Variants in EARS2 observed in about 807,000 individuals in gnomAD.
EARS2 encodes the protein glutamyl-tRNA synthetase 2, mitochondrial, also known as nondiscriminating glutamyl-tRNA synthetase EARS2, mitochondrial.
EARS2 carries 50 observed loss-of-function variants against 54.1 expected under a neutral mutation model. The observed-to-expected ratio is 0.92, with a 90% CI of 0.74 to 1.17. EARS2 has a LOEUF of 1.17. EARS2 is among the 50% of genes most tolerant of loss of function. The probability of loss-of-function intolerance (pLI) is 0.00; values close to 1 mark genes in which losing one functional copy is unlikely to be tolerated. For missense variants in EARS2, 673 were observed against 675.0 expected (o/e 1.00, Z 0.03); for synonymous variants, 298 against 281.0 (o/e 1.06, Z -0.61).
intron 3 of EARS2, among the ~76,000 whole-genome samples, chr16:23,538,920 C>T (rs1354115817): frequency 6.6e-6 from 1 of 151,628 alleles, no homozygotes; most frequent in Non-Finnish European, 1.5e-5. Context: ...GTACCTACCA[C>T]CTAATGTAAA....
chr16:23,529,656 A>G (rs781514158), intron 6 of EARS2, 24 bp from the exon 7 acceptor site: 2 of 1,613,830 alleles, frequency 1.2e-6, no homozygotes, highest in Non-Finnish European at 1.7e-6. Flanking sequence ...CAGTCATTGA[A>G]TGCACTAGGG....
intron 4 of EARS2, among the ~76,000 whole-genome samples, chr16:23,533,318 T>C (rs1965357573): frequency 1.3e-5 from 2 of 151,940 alleles, no homozygotes; most frequent in Non-Finnish European, 2.9e-5. Flanking sequence ...TACATACATT[T>C]TTCTGTAGAC....
In EARS2 at chr16:23,553,610, G is replaced by A. The variant is rs368233231; in HGVS notation, c.140-1306C>T. Among the ~76,000 whole-genome samples, 10 of 151,896 alleles carry A rather than the reference G, an allele frequency of 6.6e-5. No individual in the cohort carries two copies. The East Asian group carries it at 9.7e-4, about 15-fold the overall frequency. ...TGTCTCTACAAAGAAAAAAAAAATC[G>A]GTGGGGCATGGTGGCTCACACCTTT... On this transcript the variant is annotated intron_variant, in intron 1 of 8. Coordinates refer to ENST00000449606, the MANE Select transcript of EARS2 (RefSeq NM_001083614.2).
At chr16:23,535,586 C>T in intron 3 of EARS2, 1 of 584,104 alleles carries the variant, frequency 1.7e-6, no homozygotes, top group Non-Finnish European at 3.0e-6. Flanking sequence ...TTCTTCCTTG[C>T]TAACAAGAAA....
At position 23,534,657 on chromosome 16, in the gene EARS2, A is replaced by G. The variant is rs75091684; in HGVS notation, c.958+231T>C. On this transcript the variant is annotated intron_variant, in intron 4 of 8. Transcript: ENST00000449606. ...GATATGCAACTGAGGCTCAGAGACT[A>G]TAAGTCCCTTGAGGGCAGGGATCAT... is the stretch of plus-strand genomic sequence containing the variant. Among the ~76,000 whole-genome samples, 12,476 of 152,220 alleles carry G rather than the reference A, an allele frequency of 0.082. 902 individuals are homozygous for G. Among genetic ancestry groups the G allele is most frequent in the African/African-American group, 0.19 (7,907 of 41,510 alleles).
intron 2 of EARS2, among the ~76,000 whole-genome samples, chr16:23,545,783 C>A (rs1375516363): frequency 6.6e-6 from 1 of 152,190 alleles, no homozygotes; most frequent in African/African-American, 2.4e-5. Context: ...CCTGCCTCAA[C>A]CTCCCGAGTA....
chr16:23,542,316 C>CTTTTT (rs745418385), intron 3 of EARS2, among the ~76,000 whole-genome samples: 1,820 of 93,560 alleles, frequency 0.019, 92 homozygotes, highest in African/African-American at 0.04. Flanking sequence ...TTTCATTTTT[C>CTTTTT]TTTTTTTTTT....
At chr16:23,536,682 CTTTTTTTTTTT>C (rs953231916) in intron 3 of EARS2, among the ~76,000 whole-genome samples, 3 of 113,522 alleles carry the variant, frequency 2.6e-5, no homozygotes, top group Non-Finnish European at 3.8e-5. Context: ...CTTTTTTTTT[CTTTTTTTTTTT>C]TTTTTTTGAG....
chr16:23,520,784 C>A lies in EARS2; in HGVS notation c.*3587G>T, dbSNP rs1238553497. On this transcript the variant is annotated 3_prime_UTR_variant, in exon 9 of 9. Transcript: ENST00000449606. ...GAAGTAGCAACAGCTTTATTAATTT[C>A]GCTTTTTTATTAATTTCTTGTTGAG... 6.6e-6 allele frequency among the ~76,000 whole-genome samples: 1 copy of A among 151,762 alleles called. No individual in the cohort carries two copies. Among genetic ancestry groups the A allele is most frequent in the Non-Finnish European group, 1.5e-5 (1 of 68,022 alleles).
chr16:23,528,497 A>G lies in EARS2; in HGVS notation c.1352+1005T>C, dbSNP rs538097641. 1.6e-3 allele frequency among the ~76,000 whole-genome samples: 246 copies of G among 152,362 alleles called. 1 individual carries two copies. The highest frequency in any genetic ancestry group is 8.7e-3 in the South Asian group (42 of 4,830). On this transcript the variant is annotated intron_variant, in intron 7 of 8. Transcript: ENST00000449606. ...TTTCTAGTGATCTGGCAGCTCCTGA[A>G]CATTTGGGTATCAGCTTTCCTGACT...
chr16:23,541,718 C>G (rs574254084), intron 3 of EARS2, among the ~76,000 whole-genome samples: 12 of 143,254 alleles, frequency 8.4e-5, no homozygotes, highest in African/African-American at 2.4e-4. Flanking sequence ...TTTTTTGAGA[C>G]AGTCTCCCTC....
chr16:23,537,517 G>C (rs1049639232), intron 3 of EARS2: 6 of 152,176 alleles, frequency 3.9e-5, no homozygotes, highest in African/African-American at 1.2e-4. Flanking sequence ...AGGAAGAAAA[G>C]GTATTTCTTT....
At position 23,534,891 on chromosome 16, in the gene EARS2, C is replaced by T; in HGVS notation, c.955G>A (p.Ala319Thr). ...DIITNCGSGF[A>T]ENQMGRTLPE... ...GACTATTCAGGTGGGCACGTACCTG[C>T]AAAACCTGAGCCACAGTTGGTGATG... The change falls in exon 4 of 9, where the codon GCA becomes ACA. Residue 319 changes from alanine (A) to threonine (T), a missense_variant. Around this residue, in one of 3 missense-constraint regions of EARS2, gnomAD observed 338 missense variants for 361.2 expected, o/e 0.94. Transcript: ENST00000449606. 3 of 1,570,398 alleles carry T rather than the reference C, an allele frequency of 1.9e-6. No homozygotes were observed. Among genetic ancestry groups the T allele is most frequent in the Non-Finnish European group, 2.6e-6 (3 of 1,155,014 alleles).
chr16:23,554,883 G>A (rs1965751458), intron 1 of EARS2, among the ~76,000 whole-genome samples: 1 of 152,124 alleles, frequency 6.6e-6, no homozygotes, highest in African/African-American at 2.4e-5. Flanking sequence ...CTTTATTATA[G>A]GGTTGCTCTG....
Position 23,551,627 on chromosome 16 carries a change from TAAAG to T in EARS2, c.295+518_295+521del, listed in dbSNP as rs542443956. ...ACCCTGACTCTAAAAAATTAAAAAA[TAAAG>T]AAACCAAGTTGGGCGCGGTGGCTCA... is the stretch of plus-strand genomic sequence containing the variant. On this transcript the variant is annotated intron_variant, in intron 2 of 8. Transcript: ENST00000449606. Among the ~76,000 whole-genome samples, 557 of 151,282 alleles carry T rather than the reference TAAAG, an allele frequency of 3.7e-3. 2 individuals are homozygous for T. Among genetic ancestry groups the T allele is most frequent in the Middle Eastern group, 0.024 (7 of 292 alleles).
intron 7 of EARS2, among the ~76,000 whole-genome samples, chr16:23,525,704 A>G (rs769283482): frequency 1.3e-5 from 2 of 152,134 alleles, no homozygotes; most frequent in African/African-American, 2.4e-5. Context: ...GGGGAGAATA[A>G]TAGTATCTGA....
At chr16:23,551,958 G>A (rs1965703126) in intron 2 of EARS2, among the ~76,000 whole-genome samples, 191 bp downstream of exon 2, 1 of 152,112 alleles carries the variant, frequency 6.6e-6, no homozygotes, top group Admixed American at 6.6e-5. Context: ...AACCAGTCTT[G>A]GAGCTGTGTT....
At chr16:23,552,381 G>C in intron 1 of EARS2, 77 bp from the exon 2 acceptor site, 1 of 1,449,408 alleles carries the variant, frequency 6.9e-7, no homozygotes, top group Non-Finnish European at 9.6e-7. Context: ...AAGCACTACT[G>C]TGACAGAATG....
At chr16:23,535,539 G>A in intron 3 of EARS2, 179 bp from the exon 4 acceptor site, 1 of 614,042 alleles carries the variant, frequency 1.6e-6, no homozygotes. Flanking sequence ...TGGTGTAGCA[G>A]ACACTAATGT....
Sources: allele counts gnomAD v4.1 joint callset (sites outside exome capture counted in the v4.1 genomes callset), GRCh38; gene constraint gnomAD v4.1.1; regional missense constraint gnomAD v4.1.1; transcripts MANE v1.5; gene names NCBI Gene and HGNC (gene_info 2026-07-23, HGNC 2026-07-21).